PARD3B: variants seen among roughly 807,000 people sequenced by gnomAD.
The protein encoded by PARD3B is partitioning defective 3 homolog B.
A neutral mutation model predicts 130.2 loss-of-function variants in PARD3B; 103 were observed. The ratio of observed to expected loss-of-function variants is 0.79; its 90% confidence interval spans 0.67 to 0.93. The LOEUF (loss-of-function observed/expected upper bound fraction) is 0.93, where lower values mean the gene tolerates loss of function less well. Among genes scored for constraint, PARD3B ranks in the 40% least tolerant of loss-of-function variants. The probability of loss-of-function intolerance (pLI) is 0.00; values close to 1 mark genes in which losing one functional copy is unlikely to be tolerated. For synonymous variants in PARD3B, 583 were observed against 553.2 expected, an observed-to-expected ratio of 1.05 and a Z score of -0.76; for missense variants, 1,609 against 1,499.2, an observed-to-expected ratio of 1.07 and a Z score of -1.21.
At chr2:205,482,025 G>A (rs1218002866) in intron 20 of PARD3B, among the ~76,000 whole-genome samples, 1 of 152,178 alleles carries the variant, frequency 6.6e-6, no homozygotes, top group East Asian at 1.9e-4. Context: ...AGAGAGGTGT[G>A]TCCTCATGCA....
In PARD3B at chr2:205,253,406, C is replaced by A; in HGVS notation, c.2185+7584C>A. The stretch of plus-strand genomic sequence containing the variant: ...ACACACCCATGGCCATACGTTTGGT[C>A]TTCTTGGCCTTGGCTGGGCTGGTGG... On this transcript the variant is annotated intron_variant, in intron 16 of 22. Coordinates refer to ENST00000406610, the MANE Select transcript of PARD3B (RefSeq NM_001302769.2). The surrounding 1 kb of genome is among the most constrained non-coding windows in gnomAD (Gnocchi z 4.4). The A allele has an allele frequency of 1.8e-6, 1 of 567,754 alleles. No individual in the cohort carries two copies. Among genetic ancestry groups the A allele is most frequent in the South Asian group, 1.4e-5 (1 of 72,694 alleles). The allele number at this position is 567,754 out of a possible 1,614,324, so 35.2% of individuals were successfully genotyped here.
intron 1 of PARD3B, among the ~76,000 whole-genome samples, chr2:204,563,548 G>T: frequency 6.6e-6 from 1 of 151,970 alleles, no homozygotes; most frequent in Admixed American, 6.6e-5. Context: ...TTCTTACAAT[G>T]TTACTCTCTT....
chr2:205,467,330 A>G (rs919801670), intron 20 of PARD3B, among the ~76,000 whole-genome samples: 9 of 152,162 alleles, frequency 5.9e-5, no homozygotes. Context: ...GATGTTCTCA[A>G]TGGGACTTTC....
intron 3 of PARD3B, among the ~76,000 whole-genome samples, chr2:205,004,283 T>C (rs947834355): frequency 6.6e-6 from 1 of 152,236 alleles, no homozygotes; most frequent in Non-Finnish European, 1.5e-5. Flanking sequence ...ATGAGAAATA[T>C]CCTGTATATT....
intron 2 of PARD3B, among the ~76,000 whole-genome samples, chr2:204,820,830 A>AAAACAAAAAC (rs113306313): frequency 0.014 from 2,189 of 151,838 alleles, 60 homozygotes; most frequent in African/African-American, 0.05. Context: ...AACAAAAACA[A>AAAACAAAAAC]AAACAAACAA....
chr2:205,097,642 C>T (rs1028005053), intron 4 of PARD3B, among the ~76,000 whole-genome samples: 2 of 152,110 alleles, frequency 1.3e-5, no homozygotes, highest in Non-Finnish European at 2.9e-5. Flanking sequence ...GCATTGAGTG[C>T]GGGGCCCAGC....
At chr2:204,638,416 T>C (rs578023854) in intron 1 of PARD3B, among the ~76,000 whole-genome samples, 68 of 152,300 alleles carry the variant, frequency 4.5e-4, no homozygotes, top group African/African-American at 1.6e-3. Context: ...GTTAAAGAAC[T>C]GGAGAATTGT....
chr2:205,095,814 T>A (rs1702362513), intron 4 of PARD3B, among the ~76,000 whole-genome samples: 1 of 152,104 alleles, frequency 6.6e-6, no homozygotes, highest in South Asian at 2.1e-4. Flanking sequence ...TTTAAAGAAC[T>A]TTATTATAAA....
At chr2:204,990,317 G>T (rs1693548728) in intron 3 of PARD3B, among the ~76,000 whole-genome samples, 1 of 150,454 alleles carries the variant, frequency 6.6e-6, no homozygotes, top group Non-Finnish European at 1.5e-5. Context: ...TGTGATATTT[G>T]ATATATGCAT....
chr2:204,958,933 A>G (rs1575419413), intron 2 of PARD3B, among the ~76,000 whole-genome samples: 1 of 152,256 alleles, frequency 6.6e-6, no homozygotes, highest in Middle Eastern at 3.4e-3. Context: ...AGGGTCATGG[A>G]TGTTGTAAAT....
intron 4 of PARD3B, among the ~76,000 whole-genome samples, chr2:205,069,296 A>G (rs1700574521): frequency 6.6e-6 from 1 of 151,824 alleles, no homozygotes; most frequent in Admixed American, 6.6e-5. Flanking sequence ...GCATTTTTCT[A>G]TCCTTTTATT....
chr2:205,234,622 A>T (rs116410138), intron 15 of PARD3B, among the ~76,000 whole-genome samples: 3 of 152,196 alleles, frequency 2.0e-5, no homozygotes, highest in African/African-American at 7.2e-5. Flanking sequence ...CTCAATAATT[A>T]ATAGAACAAG....
At chr2:204,746,522 G>A (rs1218990805) in intron 2 of PARD3B, among the ~76,000 whole-genome samples, 1 of 152,070 alleles carries the variant, frequency 6.6e-6, no homozygotes, top group Non-Finnish European at 1.5e-5. Context: ...GGGTCAAATG[G>A]TATTTCTAGT....
intron 18 of PARD3B, among the ~76,000 whole-genome samples, chr2:205,315,339 C>T (rs776272114): frequency 6.6e-6 from 1 of 152,048 alleles, no homozygotes; most frequent in East Asian, 1.9e-4. Context: ...CGAGACTAAA[C>T]GAGATAATAG....
At chr2:205,424,052 C>T (rs1325335701) in intron 19 of PARD3B, among the ~76,000 whole-genome samples, 2 of 152,136 alleles carry the variant, frequency 1.3e-5, no homozygotes, top group African/African-American at 4.8e-5. Flanking sequence ...ATCTATTTAA[C>T]AAACCTGCAC....
At chr2:204,645,382 TAATAAA>T (rs988968804) in intron 1 of PARD3B, among the ~76,000 whole-genome samples, 4 of 152,208 alleles carry the variant, frequency 2.6e-5, no homozygotes, top group African/African-American at 9.6e-5. Context: ...ATTGTTTTTG[TAATAAA>T]AATTATTCAA....
At chr2:205,013,817 G>A (rs1695913802) in intron 3 of PARD3B, among the ~76,000 whole-genome samples, 1 of 152,110 alleles carries the variant, frequency 6.6e-6, no homozygotes, top group Admixed American at 6.5e-5. Context: ...AGTTCCTGTT[G>A]GGATGTGGGA....
chr2:205,614,364 G>T (rs1164948120), intron 22 of PARD3B, among the ~76,000 whole-genome samples: 1 of 152,138 alleles, frequency 6.6e-6, no homozygotes, highest in Non-Finnish European at 1.5e-5. Context: ...TACTGGACTG[G>T]TGCTACTTCC....
In PARD3B at chr2:205,591,830, A is replaced by G. The variant is rs1006002630; in HGVS notation, c.3261-23626A>G. ...GCTGTCCGGTTTGGATAAAAATTCA[A>G]TGTCCTCACAGGCAGAGGAGAGCAA... On this transcript the variant is annotated intron_variant, in intron 22 of 22. Transcript: ENST00000406610. This position sits in a 1 kb window ranked among gnomAD's most constrained non-coding sequence, Gnocchi z 4.2. 6.6e-6 allele frequency among the ~76,000 whole-genome samples: 1 copy of G among 152,202 alleles called. No homozygotes were observed. The highest frequency in any genetic ancestry group is 1.5e-5 in the Non-Finnish European group (1 of 68,034).
Sources: allele counts gnomAD v4.1 joint callset (sites outside exome capture counted in the v4.1 genomes callset), GRCh38; gene constraint gnomAD v4.1.1; non-coding constraint Gnocchi (gnomAD v3.1); transcripts MANE v1.5; gene names NCBI Gene and HGNC (gene_info 2026-07-23, HGNC 2026-07-21).